Variants in ANKS1B observed in about 807,000 individuals in gnomAD.
ANKS1B encodes ankyrin repeat and sterile alpha motif domain-containing protein 1B.
Under a neutral mutation model 148.3 loss-of-function variants are expected in ANKS1B, and 36 were observed. The ratio of observed to expected loss-of-function variants is 0.24; its 90% CI spans 0.19 to 0.32. The LOEUF is 0.32. ANKS1B is among the 10% of genes least tolerant of loss of function. The probability of loss-of-function intolerance (pLI) is 1.00; values close to 1 mark genes in which losing one functional copy is unlikely to be tolerated. For synonymous variants in ANKS1B, 542 were observed against 560.8 expected (o/e 0.97, Z 0.47); for missense variants, 1,157 against 1,542.6 (o/e 0.75, Z 4.19).
intron 8 of ANKS1B, among the ~76,000 whole-genome samples, chr12:99,718,052 C>A (rs1173987821): frequency 6.6e-6 from 1 of 151,494 alleles, no homozygotes; most frequent in African/African-American, 2.4e-5. Context: ...TACAGGCGCC[C>A]GCTACCACGC....
chr12:99,381,953 T>C (rs187236631), intron 12 of ANKS1B, among the ~76,000 whole-genome samples: 3 of 152,328 alleles, frequency 2.0e-5, no homozygotes, highest in Admixed American at 2.0e-4. Flanking sequence ...GCAAAGCAAC[T>C]AGAACATGTT....
intron 9 of ANKS1B, among the ~76,000 whole-genome samples, chr12:99,633,093 A>AT (rs1440040669): frequency 6.6e-6 from 1 of 151,390 alleles, no homozygotes; most frequent in South Asian, 2.1e-4. Flanking sequence ...TGAACTCATC[A>AT]TTTTTTATGT....
At position 99,037,471 on chromosome 12, in the gene ANKS1B, C is replaced by T. The variant is rs549360546; in HGVS notation, c.2778+15686G>A. On this transcript the variant is annotated intron_variant, in intron 17 of 26. Coordinates refer to ENST00000683438, the MANE Select transcript of ANKS1B (RefSeq NM_001352186.2). ...AGTGAGCCGAGATAGCGCTGCTGCA[C>T]ACCAGCTGGGGCGACAGAGCTCTGT... Among the ~76,000 whole-genome samples the T allele has an allele frequency of 2.6e-5, 4 of 151,356 alleles. No homozygotes were observed. The South Asian group carries it at 6.3e-4, about 24-fold the overall frequency.
At chr12:99,550,799 C>T (rs2097210986) in intron 9 of ANKS1B, among the ~76,000 whole-genome samples, 1 of 152,098 alleles carries the variant, frequency 6.6e-6, no homozygotes, top group South Asian at 2.1e-4. Context: ...AATTAAAATA[C>T]AACAACAACT....
rs111675200 is a variant in ANKS1B at position 99,094,895 on chromosome 12, G to A, written c.2527-9872C>T. ...TACTCTGGATTCGGTGTGGAGAATGGATGGAGAAATTGGGAGGTATGGAAG... is the reference window on the plus strand; with the variant it reads ...TACTCTGGATTCGGTGTGGAGAATGAATGGAGAAATTGGGAGGTATGGAAG... On this transcript the variant is annotated intron_variant, in intron 15 of 26. Transcript: ENST00000683438. Among the ~76,000 whole-genome samples the A allele has an allele frequency of 7.0e-3, 1,067 of 152,262 alleles. 2 individuals are homozygous for A. The highest frequency in any genetic ancestry group is 0.024 in the Middle Eastern group (7 of 294).
At chr12:99,597,436 C>T (rs924748531) in intron 9 of ANKS1B, among the ~76,000 whole-genome samples, 1 of 152,004 alleles carries the variant, frequency 6.6e-6, no homozygotes, top group African/African-American at 2.4e-5. Flanking sequence ...AGCCATCAAC[C>T]TGTGAAGTAT....
At chr12:99,118,045 C>A (rs927163589) in intron 15 of ANKS1B, among the ~76,000 whole-genome samples, 7 of 152,044 alleles carry the variant, frequency 4.6e-5, no homozygotes, top group African/African-American at 1.7e-4. Context: ...GTGGTGATAT[C>A]CCCTTTATCA....
At chr12:99,949,638 A>C (rs1489152110) in intron 1 of ANKS1B, among the ~76,000 whole-genome samples, 1 of 152,166 alleles carries the variant, frequency 6.6e-6, no homozygotes, top group Admixed American at 6.5e-5. Context: ...ACAACAACAA[A>C]AAAGACAGCC....
At chr12:99,369,791 T>TAGATAGATAGATAGATGGAC (rs879173702) in intron 12 of ANKS1B, among the ~76,000 whole-genome samples, 171 of 148,884 alleles carry the variant, frequency 1.1e-3, no homozygotes, top group African/African-American at 3.7e-3. Flanking sequence ...GATAGATAGA[T>TAGATAGATAGATAGATGGAC]GGACGGACGG....
intron 9 of ANKS1B, among the ~76,000 whole-genome samples, chr12:99,561,369 G>A (rs993457266): frequency 2.6e-5 from 4 of 152,046 alleles, no homozygotes; most frequent in African/African-American, 7.2e-5. Flanking sequence ...ACATTCACAG[G>A]ATTGCTGAGG....
At chr12:99,849,370 C>G (rs1244644089) in intron 1 of ANKS1B, among the ~76,000 whole-genome samples, 2 of 152,014 alleles carry the variant, frequency 1.3e-5, no homozygotes, top group African/African-American at 2.4e-5. Flanking sequence ...TACATATCCA[C>G]CAGAATGACT....
chr12:99,490,838 T>C (rs2096547714), intron 10 of ANKS1B, among the ~76,000 whole-genome samples: 1 of 152,360 alleles, frequency 6.6e-6, no homozygotes, highest in Non-Finnish European at 1.5e-5. Flanking sequence ...TTAGTAAGTC[T>C]GCAGTAGATA....
At chr12:99,940,575 G>A (rs1469109341) in intron 1 of ANKS1B, among the ~76,000 whole-genome samples, 3 of 151,756 alleles carry the variant, frequency 2.0e-5, no homozygotes, top group African/African-American at 4.8e-5. Context: ...GCCAATCAAC[G>A]AAGCCAAAAA....
chr12:99,900,555 A>G (rs1041782901), intron 1 of ANKS1B, among the ~76,000 whole-genome samples: 1 of 151,908 alleles, frequency 6.6e-6, no homozygotes, highest in Non-Finnish European at 1.5e-5. Flanking sequence ...CTTGCACACA[A>G]TAGTGACAAA....
chr12:99,117,490 G>A (rs1299465628), intron 15 of ANKS1B, among the ~76,000 whole-genome samples: 1 of 152,136 alleles, frequency 6.6e-6, no homozygotes, highest in Non-Finnish European at 1.5e-5. Context: ...TTTATGTGAT[G>A]GATTATGTTT....
At chr12:99,446,748 A>G (rs1594938981) in intron 10 of ANKS1B, among the ~76,000 whole-genome samples, 1 of 152,104 alleles carries the variant, frequency 6.6e-6, no homozygotes, top group Non-Finnish European at 1.5e-5. Context: ...AAACTTAAAA[A>G]GTAGACATAG....
At chr12:99,648,862 T>C (rs1409087742) in intron 9 of ANKS1B, 17 of 1,497,904 alleles carry the variant, frequency 1.1e-5, no homozygotes, top group Non-Finnish European at 1.5e-5. Flanking sequence ...GTAAAGCCTT[T>C]GGTGCTGCAG....
intron 12 of ANKS1B, among the ~76,000 whole-genome samples, chr12:99,306,760 T>C (rs2082404228): frequency 6.6e-6 from 1 of 152,190 alleles, no homozygotes; most frequent in Admixed American, 6.6e-5. Flanking sequence ...CCAGCTTGGT[T>C]AAATTTCCTA....
At chr12:99,366,129 T>C (rs2092753221) in intron 12 of ANKS1B, among the ~76,000 whole-genome samples, 1 of 152,164 alleles carries the variant, frequency 6.6e-6, no homozygotes, top group South Asian at 2.1e-4. Context: ...TCAGCCGGGC[T>C]CTGGGTGGGC....
Sources: gnomAD v4.1 joint callset for allele counts (sites outside exome capture counted in the v4.1 genomes callset) on GRCh38, gnomAD v4.1.1 for gene constraint, MANE v1.5 for transcripts, NCBI Gene and HGNC (gene_info 2026-07-23, HGNC 2026-07-21) for gene names.